GDA: variants seen among roughly 807,000 people sequenced by gnomAD.
GDA encodes the protein guanine deaminase, also known as cytoplasmic PSD-95 interactor.
In GDA, 18 loss-of-function variants were observed where a neutral mutation model predicts 59.6. The ratio of observed to expected loss-of-function variants is 0.30; its 90% CI spans 0.21 to 0.45. GDA has a LOEUF of 0.45. Among genes scored for constraint, GDA ranks in the 20% least tolerant of loss-of-function variants. GDA has a pLI of 1.00. For synonymous variants in GDA, 201 were observed against 201.1 expected, an observed-to-expected ratio of 1.00 and a Z score of 0.00; for missense variants, 427 against 552.3, an observed-to-expected ratio of 0.77 and a Z score of 2.27.
chr9:72,138,138 AAGG>A (rs927197750), intron 1 of GDA, among the ~76,000 whole-genome samples: 3 of 152,012 alleles, frequency 2.0e-5, no homozygotes, highest in Non-Finnish European at 4.4e-5. Flanking sequence ...AGTGCACCTG[AAGG>A]AGAAGGAATG....
At position 72,250,662 on chromosome 9, in the gene GDA, G is replaced by T. The variant is rs1403935156; in HGVS notation, c.*2320G>T. 1 of 1,607,402 alleles carries T rather than the reference G, an allele frequency of 6.2e-7. No individual in the cohort carries two copies. The highest frequency in any genetic ancestry group is 8.5e-7 in the Non-Finnish European group (1 of 1,177,880). ...CTTTGAAATGTTGCCTTTGCCTAAT[G>T]TAGGTTGACTTTCTGAATTGTGGAG... On this transcript the variant is annotated 3_prime_UTR_variant, in exon 14 of 14. Coordinates refer to ENST00000358399, the MANE Select transcript of GDA (RefSeq NM_004293.5).
At chr9:72,256,177 A>G (rs565016232), downstream of GDA, among the ~76,000 whole-genome samples, 1 of 152,322 alleles carries the variant, frequency 6.6e-6, no homozygotes, top group South Asian at 2.1e-4. Flanking sequence ...AAAATGGTTA[A>G]TTAGTTGGTT....
chr9:72,175,076 A>G (rs1830399722), intron 1 of GDA, among the ~76,000 whole-genome samples: 1 of 152,142 alleles, frequency 6.6e-6, no homozygotes, highest in Non-Finnish European at 1.5e-5. Flanking sequence ...GGAGGCAGGT[A>G]GGTGCCAAAT....
At chr9:72,163,839 A>G (rs1243116376) in intron 1 of GDA, among the ~76,000 whole-genome samples, 2 of 152,128 alleles carry the variant, frequency 1.3e-5, no homozygotes, top group East Asian at 3.9e-4. Flanking sequence ...TGTTAGATAA[A>G]ACTGTTTCAG....
At chr9:72,183,059 C>T (rs1237015169) in intron 1 of GDA, among the ~76,000 whole-genome samples, 2 of 151,962 alleles carry the variant, frequency 1.3e-5, no homozygotes, top group Non-Finnish European at 2.9e-5. Flanking sequence ...TTTTCCTTAC[C>T]AGAGCCCTGG....
At chr9:72,184,899 T>C (rs1206823158) in intron 1 of GDA, among the ~76,000 whole-genome samples, 1 of 152,214 alleles carries the variant, frequency 6.6e-6, no homozygotes, top group Non-Finnish European at 1.5e-5. Flanking sequence ...TATCAGAGCT[T>C]GGCAACTATA....
At chr9:72,176,042 C>T (rs1182525699) in intron 1 of GDA, among the ~76,000 whole-genome samples, 1 of 152,162 alleles carries the variant, frequency 6.6e-6, no homozygotes, top group African/African-American at 2.4e-5. Flanking sequence ...ATCCAGGAAT[C>T]TGTGAGCAGT....
At chr9:72,211,277 C>A (rs755246025) in intron 4 of GDA, among the ~76,000 whole-genome samples, 8 of 152,200 alleles carry the variant, frequency 5.3e-5, no homozygotes, top group Non-Finnish European at 1.0e-4. Context: ...AACTATGGTG[C>A]TGTTACTAGA....
At chr9:72,168,271 G>C (rs563290619) in intron 1 of GDA, among the ~76,000 whole-genome samples, 5 of 151,872 alleles carry the variant, frequency 3.3e-5, no homozygotes, top group African/African-American at 9.7e-5. Context: ...ATAGTGGTGC[G>C]TGCCTGTGGT....
Position 72,149,533 on chromosome 9 carries a change from A to G in GDA, c.-27A>G. The G allele has an allele frequency of 1.2e-6, 2 of 1,606,636 alleles. No individual in the cohort carries two copies. The highest frequency in any genetic ancestry group is 1.7e-6 in the Non-Finnish European group (2 of 1,178,232). ...GCCGCGTGCGCCCTCCTCGACCAGC[A>G]GACCCGCGCTGCGCTCCGCCGCTGA... On this transcript the variant is annotated 5_prime_UTR_variant, in exon 1 of 14. Transcript: ENST00000358399.
Position 72,150,331 on chromosome 9 carries a change from A to G in GDA, c.123+649A>G, listed in dbSNP as rs73650304. ...TACACACACGCGTACACACACACAC[A>G]CACACGCACGCACACACACACACAC... On this transcript the variant is annotated intron_variant, in intron 1 of 13. Coordinates refer to ENST00000358399, the MANE Select transcript of GDA (RefSeq NM_004293.5). Among the ~76,000 whole-genome samples, 373 of 132,448 alleles carry G rather than the reference A, an allele frequency of 2.8e-3. 1 individual carries two copies. Among genetic ancestry groups the G allele is most frequent in the African/African-American group, 0.01 (343 of 32,942 alleles). 86.9% of individuals were successfully genotyped at this position (132,448 alleles called of 152,430 possible). A position where few individuals can be genotyped will look rare whatever the true frequency, so the allele number is the denominator to read the frequency against.
At position 72,149,762 on chromosome 9, in the gene GDA, C is replaced by A. The variant is rs890295967; in HGVS notation, c.123+80C>A. ...AACCTGGCGCGGTGCTTCGCGTAGC[C>A]CGGGGTTCGCTCGGTGCGCAGTGAG... is the stretch of plus-strand genomic sequence containing the variant. On this transcript the variant is annotated intron_variant, in intron 1 of 13. Transcript: ENST00000358399. The A allele has an allele frequency of 1.5e-5, 22 of 1,419,928 alleles. No individual in the cohort carries two copies. The South Asian group carries it at 2.7e-4, about 17-fold the overall frequency. The allele number at this position is 1,419,928 out of a possible 1,614,324, so 88.0% of individuals were successfully genotyped here.
intron 1 of GDA, among the ~76,000 whole-genome samples, chr9:72,182,748 C>T (rs760680899): frequency 6.6e-6 from 1 of 152,096 alleles, no homozygotes; most frequent in Non-Finnish European, 1.5e-5. Flanking sequence ...GCCAAATGCT[C>T]ATTTTCTAAT....
chr9:72,132,687 C>CT (rs1826067794), intron 1 of GDA, among the ~76,000 whole-genome samples: 1 of 152,174 alleles, frequency 6.6e-6, no homozygotes, highest in Non-Finnish European at 1.5e-5. Context: ...TCCAGAAACA[C>CT]TGAGAGACTC....
chr9:72,169,447 A>G (rs1829702794), intron 1 of GDA, among the ~76,000 whole-genome samples: 1 of 152,222 alleles, frequency 6.6e-6, no homozygotes, highest in African/African-American at 2.4e-5. Context: ...CAAGTCACAC[A>G]AAATATTTCT....
chr9:72,161,122 A>G lies in GDA; in HGVS notation c.123+11440A>G, dbSNP rs1403732077. Reference sequence around the variant, plus strand: ...AGGATTTCACCATGTTGGCCAGGCCAGTCTCAAACTCCTGACCTCAGGTGA... The same window carrying G: ...AGGATTTCACCATGTTGGCCAGGCCGGTCTCAAACTCCTGACCTCAGGTGA... On this transcript the variant is annotated intron_variant, in intron 1 of 13. Transcript: ENST00000358399. Among the ~76,000 whole-genome samples, 8 of 149,640 alleles carry G rather than the reference A, an allele frequency of 5.3e-5. No homozygotes were observed. The South Asian group carries it at 1.7e-3, about 32-fold the overall frequency.
chr9:72,117,099 C>T (rs1825480184), intron 1 of GDA, among the ~76,000 whole-genome samples: 4 of 152,150 alleles, frequency 2.6e-5, no homozygotes, highest in Admixed American at 2.6e-4. Context: ...CTACAAAGGA[C>T]ATGAACTCAT....
chr9:72,146,561 G>GAGGCA (rs1826641879), upstream of GDA, among the ~76,000 whole-genome samples: 1 of 152,050 alleles, frequency 6.6e-6, no homozygotes. Context: ...TTCAATCCTG[G>GAGGCA]CTCACTGCAA....
chr9:72,238,804 C>A (rs1402980537), intron 10 of GDA, among the ~76,000 whole-genome samples: 1 of 152,182 alleles, frequency 6.6e-6, no homozygotes, highest in Non-Finnish European at 1.5e-5. Flanking sequence ...CTTCCTCCTC[C>A]ACACAGTTTC....
Sources: gnomAD v4.1 joint callset for allele counts (sites outside exome capture counted in the v4.1 genomes callset) on GRCh38, gnomAD v4.1.1 for gene constraint, MANE v1.5 for transcripts, NCBI Gene and HGNC (gene_info 2026-07-23, HGNC 2026-07-21) for gene names.